The following TJP1 variants were observed in gnomAD, a reference collection of about 807,000 sequenced individuals.
TJP1 encodes the protein tight junction protein ZO-1.
In TJP1, 43 loss-of-function variants were observed where a neutral mutation model predicts 194.2. The ratio of observed to expected loss-of-function variants is 0.22; its 90% CI spans 0.17 to 0.29. TJP1 has a LOEUF of 0.29. Ranked by LOEUF, TJP1 falls within the 10% of genes least tolerant of loss-of-function variation. TJP1 has a pLI of 1.00. For synonymous variants in TJP1, 801 were observed against 779.0 expected (o/e 1.03, Z -0.47); for missense variants, 1,971 against 2,185.7 (o/e 0.90, Z 1.96).
intron 2 of TJP1, among the ~76,000 whole-genome samples, chr15:29,899,172 C>T (rs1329057627): frequency 6.6e-6 from 1 of 152,180 alleles, no homozygotes; most frequent in Non-Finnish European, 1.5e-5. Flanking sequence ...CAGAAAGTGA[C>T]TTCTAAGGAA....
intron 2 of TJP1, among the ~76,000 whole-genome samples, chr15:29,904,730 A>G (rs191904590): frequency 6.6e-6 from 1 of 152,348 alleles, no homozygotes; most frequent in Admixed American, 6.5e-5. Flanking sequence ...ATTCATGTCT[A>G]TCTGGAACCT....
In TJP1 at chr15:29,708,571, G is replaced by C. The variant is rs768598743; in HGVS notation, c.4838C>G (p.Ala1613Gly). Residue 1613 changes from alanine (A) to glycine (G), a missense_variant, in exon 25 of 28, where the codon GCT becomes GGT. By Grantham distance (60) the Ala-to-Gly change is moderately conservative. Around this residue, in one of 5 missense-constraint regions of TJP1, gnomAD observed 1,108 missense variants for 1,128.5 expected, o/e 0.98. Coordinates refer to ENST00000614355, the MANE Select transcript of TJP1 (RefSeq NM_001330239.4). ...QINNISTVPK[A>G]IPVSPSAVEE... is the part of the protein sequence containing the mutation. ...GCATAAGTCTTACCTCACAGGAATA[G>C]CTTTAGGCACTGTGCTGATATTATT... 6 of 1,609,390 alleles carry C rather than the reference G, an allele frequency of 3.7e-6. No individual in the cohort carries two copies. The highest frequency in any genetic ancestry group is 4.3e-6 in the Non-Finnish European group (5 of 1,175,950).
intron 2 of TJP1, among the ~76,000 whole-genome samples, chr15:29,857,330 TACCC>T (rs2051897074): frequency 6.6e-6 from 1 of 151,806 alleles, no homozygotes; most frequent in Non-Finnish European, 1.5e-5. Context: ...TTACATATCT[TACCC>T]ATTTCCTGTT....
At chr15:29,870,243 T>C (rs1413496806) in intron 2 of TJP1, among the ~76,000 whole-genome samples, 1 of 152,080 alleles carries the variant, frequency 6.6e-6, no homozygotes, top group African/African-American at 2.4e-5. Flanking sequence ...TCAGATAAAC[T>C]AGCTAGCTAG....
intron 22 of TJP1, 111 bp from the exon 23 acceptor site, chr15:29,716,949 G>A: frequency 1.1e-6 from 1 of 904,470 alleles, no homozygotes; most frequent in Non-Finnish European, 1.7e-6. Flanking sequence ...ACTAACTGCT[G>A]TGATTACTGA....
intron 2 of TJP1, among the ~76,000 whole-genome samples, chr15:29,846,795 G>A (rs565419214): frequency 1.2e-3 from 178 of 152,106 alleles, no homozygotes; most frequent in African/African-American, 3.0e-3. Flanking sequence ...GCCTGGTGGC[G>A]GGTGCCTGTA....
intron 1 of TJP1, among the ~76,000 whole-genome samples, chr15:29,817,046 T>G (rs1048452442): frequency 4.1e-4 from 62 of 152,332 alleles, no homozygotes; most frequent in African/African-American, 1.4e-3. Flanking sequence ...GAAAAACTTT[T>G]GCCATCTACT....
chr15:29,844,592 G>A (rs564876464), intron 2 of TJP1, among the ~76,000 whole-genome samples: 6 of 152,236 alleles, frequency 3.9e-5, no homozygotes, highest in Admixed American at 6.5e-5. Flanking sequence ...TGGAGAAAGC[G>A]GGGAGTCAAG....
Position 29,953,139 on chromosome 15 carries a change from G to GTTTTTTTTT in TJP1, c.306+3092_306+3093insAAAAAAAAA, listed in dbSNP as rs1406936700. ...CTTCCTTCTTTCATAAAAGAAGACA[G>GTTTTTTTTT]ATTTTTTTTTTTTTTTTTTTGCAAC... On this transcript the variant is annotated intron_variant, in intron 2 of 28. Coordinates refer to the TJP1 transcript ENST00000356107. 1.1e-4 allele frequency among the ~76,000 whole-genome samples: 7 copies of GTTTTTTTTT among 64,768 alleles called. 1 individual carries two copies. The highest frequency in any genetic ancestry group is 3.4e-4 in the Admixed American group (2 of 5,906). 42.5% of individuals were successfully genotyped at this position (64,768 alleles called of 152,430 possible). A position where few individuals can be genotyped will look rare whatever the true frequency, so the allele number is the denominator to read the frequency against.
At chr15:29,872,618 T>C (rs1442875980) in intron 2 of TJP1, among the ~76,000 whole-genome samples, 1 of 147,526 alleles carries the variant, frequency 6.8e-6, no homozygotes, top group Non-Finnish European at 1.5e-5. Flanking sequence ...GTGGTGAAGT[T>C]CTAGGTAAGA....
At chr15:29,810,747 A>G (rs903395729) in intron 1 of TJP1, among the ~76,000 whole-genome samples, 4 of 152,184 alleles carry the variant, frequency 2.6e-5, no homozygotes, top group Admixed American at 6.5e-5. Flanking sequence ...AAAGTCCTTG[A>G]GGAGAAGAGA....
chr15:29,817,220 CAT>C (rs775143149), intron 1 of TJP1, among the ~76,000 whole-genome samples: 3 of 152,126 alleles, frequency 2.0e-5, no homozygotes, highest in Non-Finnish European at 4.4e-5. Flanking sequence ...GGCCAACAAA[CAT>C]ATGAAAAAAT....
rs755597308 is a variant in TJP1 at position 29,737,401 on chromosome 15, A to G, written c.1270T>C (p.Leu424=). ...CTATCTCCTTTTCTGAATTTTACCAATTTCATGCTGGGCCTGTTAAAACAG... is the reference window on the plus strand; with the variant it reads ...CTATCTCCTTTTCTGAATTTTACCAGTTTCATGCTGGGCCTGTTAAAACAG... The part of the protein sequence containing the change: ...EDGILRPSMK[L]VKFRKGDSVG... The change falls in exon 11 of 28, where the codon TTG becomes CTG. Residue 424 remains leucine, a synonymous_variant. Transcript: ENST00000614355. 6.2e-7 allele frequency: 1 copy of G among 1,614,126 alleles called. No homozygotes were observed. Among genetic ancestry groups the G allele is most frequent in the East Asian group, 2.2e-5 (1 of 44,880 alleles).
At chr15:29,770,991 T>G (rs2046633121) in intron 4 of TJP1, among the ~76,000 whole-genome samples, 1 of 152,208 alleles carries the variant, frequency 6.6e-6, no homozygotes, top group Non-Finnish European at 1.5e-5. Context: ...ACTCACTCGC[T>G]GACTCACTCA....
intron 2 of TJP1, among the ~76,000 whole-genome samples, chr15:29,949,610 TTCACCACC>T (rs2055527068): frequency 2.6e-4 from 6 of 22,924 alleles, no homozygotes; most frequent in South Asian, 2.4e-3. Context: ...CACCTCCACC[TTCACCACC>T]ACCACCTCCA....
intron 2 of TJP1, among the ~76,000 whole-genome samples, chr15:29,883,474 A>G (rs778945273): frequency 3.5e-4 from 54 of 152,340 alleles, no homozygotes; most frequent in Non-Finnish European, 7.6e-4. Flanking sequence ...ACTGAGGCAT[A>G]AAATTATAAA....
At chr15:29,784,173 C>G (rs1248782918) in intron 2 of TJP1, among the ~76,000 whole-genome samples, 1 of 151,950 alleles carries the variant, frequency 6.6e-6, no homozygotes, top group African/African-American at 2.4e-5. Flanking sequence ...AAAATTGAAA[C>G]TAGGTACTGA....
At chr15:29,785,707 C>G (rs1020025151) in intron 2 of TJP1, among the ~76,000 whole-genome samples, 6 of 152,128 alleles carry the variant, frequency 3.9e-5, no homozygotes, top group African/African-American at 1.4e-4. Context: ...TACTTTTCTC[C>G]TCTTATTCTT....
At chr15:29,860,396 C>G (rs2052031095) in intron 2 of TJP1, among the ~76,000 whole-genome samples, 1 of 152,100 alleles carries the variant, frequency 6.6e-6, no homozygotes, top group Admixed American at 6.6e-5. Context: ...ACTTAAAAAC[C>G]CAGAAGACAC....
Sources: allele counts gnomAD v4.1 joint callset (sites outside exome capture counted in the v4.1 genomes callset), GRCh38; gene constraint gnomAD v4.1.1; regional missense constraint gnomAD v4.1.1; transcripts MANE v1.5; gene names NCBI Gene and HGNC (gene_info 2026-07-23, HGNC 2026-07-21).